ARAP2: variants seen among roughly 807,000 people sequenced by gnomAD.
ARAP2 encodes the protein ArfGAP with RhoGAP domain, ankyrin repeat and PH domain 2.
In ARAP2, 148 loss-of-function variants were observed where a neutral mutation model predicts 194.5. The observed-to-expected ratio is 0.76, with a 90% CI of 0.67 to 0.87. The LOEUF is 0.87. Among genes scored for constraint, ARAP2 ranks in the 40% least tolerant of loss-of-function variants. ARAP2 has a pLI of 0.00. For synonymous variants in ARAP2, 695 were observed against 683.5 expected (o/e 1.02, Z -0.26); for missense variants, 2,128 against 1,989.7 (o/e 1.07, Z -1.32).
chr4:36,132,774 C>A (rs1296432348), intron 20 of ARAP2, among the ~76,000 whole-genome samples: 1 of 151,688 alleles, frequency 6.6e-6, no homozygotes, highest in East Asian at 1.9e-4. Context: ...ACTACATGCA[C>A]ACTTTATGTA....
In ARAP2 at chr4:36,179,432, C is replaced by T. The variant is rs142496028; in HGVS notation, c.1679-1427G>A. 3.3e-4 allele frequency among the ~76,000 whole-genome samples: 51 copies of T among 152,270 alleles called. 1 individual carries two copies. The highest frequency in any genetic ancestry group is 9.8e-4 in the Admixed American group (15 of 15,288). On this transcript the variant is annotated intron_variant, in intron 8 of 32. Transcript: ENST00000303965. ...CAGAACAACCTCAGGTTTTCAGTGCCGTGGCATGCGCATCCACGCAGACTC... is the reference window on the plus strand; with the variant it reads ...CAGAACAACCTCAGGTTTTCAGTGCTGTGGCATGCGCATCCACGCAGACTC...
intron 15 of ARAP2, among the ~76,000 whole-genome samples, chr4:36,152,656 C>T (rs1416384016): frequency 2.2e-5 from 3 of 137,342 alleles, no homozygotes; most frequent in African/African-American, 5.7e-5. Flanking sequence ...GTAAGCCCCC[C>T]CACCATACTG....
chr4:36,132,129 T>C (rs1162092432), intron 20 of ARAP2, among the ~76,000 whole-genome samples: 1 of 151,810 alleles, frequency 6.6e-6, no homozygotes, highest in Non-Finnish European at 1.5e-5. Context: ...ATATCATTAG[T>C]TCTGATATTT....
chr4:36,199,346 C>T (rs1273910212), intron 6 of ARAP2, among the ~76,000 whole-genome samples: 2 of 152,200 alleles, frequency 1.3e-5, no homozygotes, highest in Non-Finnish European at 2.9e-5. Flanking sequence ...AGCGGGAGTG[C>T]AGTGGCACAA....
chr4:36,031,666 C>CTTTTTTTTTTTTTTTTTTT (rs67436021), intron 5 of ARAP2, among the ~76,000 whole-genome samples: 1 of 146,228 alleles, frequency 6.8e-6, no homozygotes. Flanking sequence ...GATTTAAAAT[C>CTTTTTTTTTTTTTTTTTTT]TTTTTTTTTT....
At chr4:36,099,371 C>T (rs1426560401) in intron 27 of ARAP2, among the ~76,000 whole-genome samples, 1 of 152,040 alleles carries the variant, frequency 6.6e-6, no homozygotes, top group African/African-American at 2.4e-5. Flanking sequence ...GAAAATATTT[C>T]TACTTCTTGA....
intron 28 of ARAP2, among the ~76,000 whole-genome samples, chr4:36,085,359 A>C (rs888091942): frequency 6.6e-6 from 1 of 151,988 alleles, no homozygotes; most frequent in African/African-American, 2.4e-5. Flanking sequence ...TCTTTTGTCA[A>C]TCTGGAATAC....
chr4:36,186,670 C>G (rs1740645810), intron 8 of ARAP2, among the ~76,000 whole-genome samples: 1 of 152,256 alleles, frequency 6.6e-6, no homozygotes, highest in Admixed American at 6.5e-5. Context: ...ACTGGCATTA[C>G]TGCCTGAGCT....
intron 9 of ARAP2, among the ~76,000 whole-genome samples, chr4:36,177,284 A>G (rs1578178429): frequency 6.6e-6 from 1 of 152,150 alleles, no homozygotes; most frequent in African/African-American, 2.4e-5. Context: ...GTGTATAGCT[A>G]GATGTATGTA....
chr4:36,244,498 T>A lies in ARAP2; in HGVS notation c.-479A>T, dbSNP rs1194677272. The A allele has an allele frequency of 2.7e-5, 4 of 150,800 alleles. No individual in the cohort carries two copies. Among genetic ancestry groups the A allele is most frequent in the African/African-American group, 9.7e-5 (4 of 41,120 alleles). 9.3% of individuals were successfully genotyped at this position (150,800 alleles called of 1,614,324 possible). On this transcript the variant is annotated 5_prime_UTR_variant, in exon 1 of 33. Coordinates refer to ENST00000303965, the MANE Select transcript of ARAP2 (RefSeq NM_015230.4). Reference sequence around the variant, plus strand: ...TGCTCAGGTGCTCCCGCGCCTCGCCTCGGCCGCCGCTTCCTCTCCGCCCGC... The same window carrying A: ...TGCTCAGGTGCTCCCGCGCCTCGCCACGGCCGCCGCTTCCTCTCCGCCCGC...
chr4:36,183,747 AGAG>A (rs1739840995), intron 8 of ARAP2, among the ~76,000 whole-genome samples: 1 of 152,236 alleles, frequency 6.6e-6, no homozygotes, highest in Non-Finnish European at 1.5e-5. Flanking sequence ...CTTGCAACTA[AGAG>A]AAGAACAATG....
intron 6 of ARAP2, among the ~76,000 whole-genome samples, chr4:36,203,836 T>C (rs1744965300): frequency 6.6e-6 from 1 of 151,918 alleles, no homozygotes; most frequent in African/African-American, 2.4e-5. Flanking sequence ...TTGAGAAAAA[T>C]ACCACTAAGG....
chr4:36,217,284 G>A (rs1006262183), intron 2 of ARAP2, among the ~76,000 whole-genome samples: 58 of 152,332 alleles, frequency 3.8e-4, no homozygotes, highest in African/African-American at 1.3e-3. Context: ...AACCGAGGTG[G>A]GCAGATCACC....
intron 5 of ARAP2, among the ~76,000 whole-genome samples, chr4:36,029,789 C>G (rs58726148): frequency 0.035 from 5,329 of 151,826 alleles, 302 homozygotes; most frequent in African/African-American, 0.11. Context: ...GTCTTTGGTC[C>G]ACTTTTCCCT....
chr4:36,235,087 C>G (rs757801209), intron 1 of ARAP2, among the ~76,000 whole-genome samples: 2 of 152,128 alleles, frequency 1.3e-5, no homozygotes, highest in Non-Finnish European at 2.9e-5. Context: ...AAACTACATC[C>G]TCAATTCAGT....
intron 32 of ARAP2, among the ~76,000 whole-genome samples, chr4:36,071,556 T>G (rs1726902829): frequency 6.6e-6 from 1 of 152,198 alleles, no homozygotes; most frequent in Admixed American, 6.5e-5. Flanking sequence ...TAGGACTGAA[T>G]GAAAGCCAGG....
At chr4:36,238,393 A>G (rs1752840295) in intron 1 of ARAP2, among the ~76,000 whole-genome samples, 1 of 152,224 alleles carries the variant, frequency 6.6e-6, no homozygotes, top group Non-Finnish European at 1.5e-5. Flanking sequence ...GCTGAATGTC[A>G]CGCAATAGAT....
rs1373475498 is a variant in ARAP2, at chr4:36,224,343, C to T, written c.905+4239G>A. ...ATCATTAGGCAGCAGTTTAACACTG[C>T]CTTGAGGTTTTCATAATATCTAACT... is the stretch of plus-strand genomic sequence containing the variant. On this transcript the variant is annotated intron_variant, in intron 2 of 32. Coordinates refer to ENST00000303965, the MANE Select transcript of ARAP2 (RefSeq NM_015230.4). Among the ~76,000 whole-genome samples, 39 of 151,004 alleles carry T rather than the reference C, an allele frequency of 2.6e-4. No homozygotes were observed. In the East Asian group the frequency reaches 6.6e-3, roughly 25 times the overall value.
chr4:36,146,883 G>GA (rs1377461939), intron 19 of ARAP2, among the ~76,000 whole-genome samples: 2 of 151,958 alleles, frequency 1.3e-5, no homozygotes, highest in African/African-American at 2.4e-5. Context: ...AATAGTTACT[G>GA]AAAAACTGAA....
Sources: gnomAD v4.1 joint callset for allele counts (sites outside exome capture counted in the v4.1 genomes callset) on GRCh38, gnomAD v4.1.1 for gene constraint, MANE v1.5 for transcripts, NCBI Gene and HGNC (gene_info 2026-07-23, HGNC 2026-07-21) for gene names.